The following LGR5 variants were observed in gnomAD, a reference collection of about 807,000 sequenced individuals.
LGR5 encodes the protein leucine-rich repeat-containing G protein-coupled receptor 5.
In LGR5, 54 loss-of-function variants were observed where a neutral mutation model predicts 76.7. The observed-to-expected ratio is 0.70, with a 90% CI of 0.57 to 0.88. The LOEUF (loss-of-function observed/expected upper bound fraction) is 0.88. Ranked by LOEUF, LGR5 falls within the 40% of genes least tolerant of loss-of-function variation. LGR5 has a pLI of 0.00. For missense variants in LGR5, 1,078 were observed against 1,073.3 expected (o/e 1.00, Z -0.06); for synonymous variants, 406 against 421.9 (o/e 0.96, Z 0.46).
chr12:71,522,486 C>G (rs1226551759), intron 2 of LGR5, among the ~76,000 whole-genome samples: 1 of 152,210 alleles, frequency 6.6e-6, no homozygotes, highest in Non-Finnish European at 1.5e-5. Flanking sequence ...TAGCAGCTCT[C>G]AAACCTTTCT....
chr12:71,562,696 C>T (rs933485096), intron 8 of LGR5, among the ~76,000 whole-genome samples: 1 of 152,082 alleles, frequency 6.6e-6, no homozygotes, highest in African/African-American at 2.4e-5. Flanking sequence ...AGGCTCCTCT[C>T]GGAGGCAGAT....
intron 1 of LGR5, among the ~76,000 whole-genome samples, chr12:71,448,082 CAA>C (rs1491295330): frequency 1.2e-4 from 16 of 128,826 alleles, no homozygotes; most frequent in South Asian, 1.2e-3. Context: ...CACACACACA[CAA>C]ACACACACAC....
At chr12:71,547,133 T>C (rs1379388697) in intron 4 of LGR5, among the ~76,000 whole-genome samples, 1 of 152,166 alleles carries the variant, frequency 6.6e-6, no homozygotes, top group Non-Finnish European at 1.5e-5. Flanking sequence ...GCCCTCTAAG[T>C]AACATTGCAA....
At chr12:71,531,016 G>A (rs1053050555) in intron 3 of LGR5, among the ~76,000 whole-genome samples, 76 of 144,300 alleles carry the variant, frequency 5.3e-4, no homozygotes, top group Admixed American at 8.2e-4. Flanking sequence ...AAAAAAAAGT[G>A]GGGGAGGGAC....
intron 1 of LGR5, among the ~76,000 whole-genome samples, chr12:71,493,000 T>C (rs756319961): frequency 7.3e-5 from 11 of 151,384 alleles, no homozygotes; most frequent in Non-Finnish European, 7.3e-5. Flanking sequence ...CAAGCTTTGG[T>C]CAGAGCCCAT....
chr12:71,440,313 C>T lies in LGR5; in HGVS notation c.212+21C>T. On this transcript the variant is annotated intron_variant, in intron 1 of 17. Transcript: ENST00000266674. The surrounding 1 kb of genome is among the most constrained non-coding windows in gnomAD (Gnocchi z 5.3). ...TACCTGTAAGTACTTCCCCACGTCACTCCGGGAGAGAGACTAAGAGGGGAA... is the reference window on the plus strand; with the variant it reads ...TACCTGTAAGTACTTCCCCACGTCATTCCGGGAGAGAGACTAAGAGGGGAA... The T allele has an allele frequency of 1.3e-6, 2 of 1,599,760 alleles. No homozygotes were observed. Among genetic ancestry groups the T allele is most frequent in the Non-Finnish European group, 1.7e-6 (2 of 1,174,290 alleles).
chr12:71,516,009 C>T (rs1263673363), intron 2 of LGR5, among the ~76,000 whole-genome samples: 4 of 152,126 alleles, frequency 2.6e-5, no homozygotes, highest in African/African-American at 9.7e-5. Context: ...CAATAATAAT[C>T]CCTGACCTAT....
chr12:71,573,248 A>G (rs1334465547), intron 13 of LGR5, among the ~76,000 whole-genome samples: 1 of 152,224 alleles, frequency 6.6e-6, no homozygotes, highest in African/African-American at 2.4e-5. Flanking sequence ...GGATGATCAC[A>G]TAATTCTATC....
rs748402562 is a variant in LGR5, at chr12:71,566,457, T to C, written c.911T>C (p.Leu304Ser). 3.5e-5 allele frequency: 56 copies of C among 1,604,984 alleles called. No individual in the cohort carries two copies. In the South Asian group the frequency reaches 5.9e-4, roughly 17 times the overall value. Residue 304 changes from leucine to serine, a missense_variant, in exon 9 of 18, where the codon TTA becomes TCA. Coordinates refer to ENST00000266674, the MANE Select transcript of LGR5 (RefSeq NM_003667.4). The part of the protein sequence containing the change: ...QFVGRSAFQH[L>S]PELRTLTLNG... ...GTTGGGAGATCTGCTTTTCAACATT[T>C]ACCTGAACTAAGAACACTGTAAGTT...
chr12:71,559,063 G>A (rs1309602077), intron 6 of LGR5, among the ~76,000 whole-genome samples: 3 of 152,146 alleles, frequency 2.0e-5, no homozygotes, highest in Non-Finnish European at 4.4e-5. Flanking sequence ...CTCTCCAGAA[G>A]CAAGGTTCAT....
chr12:71,459,086 G>T (rs1050597252), intron 1 of LGR5, among the ~76,000 whole-genome samples: 1 of 152,006 alleles, frequency 6.6e-6, no homozygotes, highest in Non-Finnish European at 1.5e-5. Context: ...TATATAGCAT[G>T]ACCTAGTAAG....
At chr12:71,463,251 C>G (rs1055452370) in intron 1 of LGR5, among the ~76,000 whole-genome samples, 16 of 152,152 alleles carry the variant, frequency 1.1e-4, no homozygotes, top group Admixed American at 7.2e-4. Flanking sequence ...AACATTGACA[C>G]AGGTGATTAA....
chr12:71,565,433 T>C (rs1382801904), intron 8 of LGR5, among the ~76,000 whole-genome samples: 1 of 120,142 alleles, frequency 8.3e-6, no homozygotes, highest in Admixed American at 9.8e-5. Context: ...TATATATATA[T>C]ATATATATAT....
intron 1 of LGR5, among the ~76,000 whole-genome samples, chr12:71,496,370 C>CAAAAAAAAAAAA: frequency 1.0e-5 from 1 of 99,574 alleles, no homozygotes. Context: ...TCCATCTCAA[C>CAAAAAAAAAAAA]AAAAAAAAAA....
At chr12:71,525,794 G>A (rs1176788710) in intron 3 of LGR5, among the ~76,000 whole-genome samples, 2 of 150,506 alleles carry the variant, frequency 1.3e-5, no homozygotes, top group Non-Finnish European at 3.0e-5. Flanking sequence ...AAATTAATAT[G>A]GATATATATG....
At chr12:71,483,021 A>G (rs1283293457) in intron 1 of LGR5, among the ~76,000 whole-genome samples, 1 of 152,168 alleles carries the variant, frequency 6.6e-6, no homozygotes, top group Non-Finnish European at 1.5e-5. Context: ...CAAATTTGGG[A>G]AAATTTGTGG....
intron 4 of LGR5, among the ~76,000 whole-genome samples, chr12:71,545,377 C>T (rs983081539): frequency 5.3e-5 from 8 of 152,152 alleles, no homozygotes; most frequent in Admixed American, 2.6e-4. Context: ...CACTTGAACC[C>T]AAGAGCAGAG....
chr12:71,540,994 G>A (rs1876847061), intron 4 of LGR5, among the ~76,000 whole-genome samples: 3 of 152,154 alleles, frequency 2.0e-5, no homozygotes, highest in Admixed American at 2.0e-4. Context: ...TCACAAAAGT[G>A]CCAGGGTATT....
chr12:71,533,173 C>G (rs146131880), intron 3 of LGR5, among the ~76,000 whole-genome samples: 7,710 of 151,970 alleles, frequency 0.051, 197 homozygotes, highest in Middle Eastern at 0.065. Flanking sequence ...GGTGAAACCC[C>G]ATCTCTACTA....
Sources: allele counts gnomAD v4.1 joint callset (sites outside exome capture counted in the v4.1 genomes callset), GRCh38; gene constraint gnomAD v4.1.1; non-coding constraint Gnocchi (gnomAD v3.1); transcripts MANE v1.5; gene names NCBI Gene and HGNC (gene_info 2026-07-23, HGNC 2026-07-21).